The following PRDM16 variants were observed in gnomAD, a reference collection of about 807,000 sequenced individuals.
PRDM16 encodes the protein PR/SET domain 16, also known as histone-lysine N-methyltransferase PRDM16.
Under a neutral mutation model 110.6 loss-of-function variants are expected in PRDM16, and 23 were observed. That is an observed-to-expected ratio of 0.21 (90% CI 0.15 to 0.29). PRDM16 has a LOEUF of 0.29. PRDM16 is among the 10% of genes least tolerant of loss of function. PRDM16 has a pLI of 1.00. For synonymous variants in PRDM16, 799 were observed against 781.8 expected (o/e 1.02, Z -0.37); for missense variants, 1,615 against 1,794.3 (o/e 0.90, Z 1.81).
In PRDM16 at chr1:3,436,993, C is replaced by T; in HGVS notation, c.*3182C>T. 2 of 233,276 alleles carry T rather than the reference C, an allele frequency of 8.6e-6. No individual in the cohort carries two copies. Among genetic ancestry groups the T allele is most frequent in the Non-Finnish European group, 1.7e-5 (2 of 118,052 alleles). 14.5% of individuals were successfully genotyped at this position (233,276 alleles called of 1,614,324 possible). ...CCCCAGCCCCCAGCGAGCCGACGTC[C>T]CCACCCGTTCCTGCTCTCATCCCCA... On this transcript the variant is annotated 3_prime_UTR_variant, in exon 17 of 17. Coordinates refer to ENST00000270722, the MANE Select transcript of PRDM16 (RefSeq NM_022114.4).
At chr1:3,408,679 A>AGT (rs1643605972) in intron 8 of PRDM16, among the ~76,000 whole-genome samples, 2 of 132,072 alleles carry the variant, frequency 1.5e-5, no homozygotes, top group Non-Finnish European at 3.2e-5. Context: ...TGTGAGTGTG[A>AGT]GCACGTGAGC....
At chr1:3,225,095 A>C (rs140641526) in intron 2 of PRDM16, among the ~76,000 whole-genome samples, 18 of 152,276 alleles carry the variant, frequency 1.2e-4, no homozygotes, top group African/African-American at 4.1e-4. Flanking sequence ...TTTCAAAAGA[A>C]CCTTGAAAAT....
At chr1:3,098,029 G>A (rs1190043965) in intron 1 of PRDM16, among the ~76,000 whole-genome samples, 1 of 152,144 alleles carries the variant, frequency 6.6e-6, no homozygotes, top group Non-Finnish European at 1.5e-5. Flanking sequence ...AGCAGGACTG[G>A]AAACTGCCCC....
chr1:3,190,130 C>T lies in PRDM16; in HGVS notation c.387+3656C>T, dbSNP rs1406764883. Among the ~76,000 whole-genome samples, 1 of 152,018 alleles carries T rather than the reference C, an allele frequency of 6.6e-6. No homozygotes were observed. Among genetic ancestry groups the T allele is most frequent in the Non-Finnish European group, 1.5e-5 (1 of 68,012 alleles). On this transcript the variant is annotated intron_variant, in intron 2 of 16. Coordinates refer to ENST00000270722, the MANE Select transcript of PRDM16 (RefSeq NM_022114.4). The surrounding 1 kb of genome is among the most constrained non-coding windows in gnomAD (Gnocchi z 5.0). The stretch of plus-strand genomic sequence containing the variant: ...TGGGGATGAGAGATGGGGCGGGCAG[C>T]ACGTGAGGCACCCACGAGCTTTGGG...
chr1:3,149,060 C>T (rs1643729953), intron 1 of PRDM16, among the ~76,000 whole-genome samples: 5 of 152,172 alleles, frequency 3.3e-5, no homozygotes, highest in Admixed American at 3.3e-4. Context: ...CCTTGGTTCT[C>T]TGCCTCTGTG....
At chr1:3,205,813 C>T (rs1329960124) in intron 2 of PRDM16, among the ~76,000 whole-genome samples, 3 of 152,142 alleles carry the variant, frequency 2.0e-5, no homozygotes, top group Non-Finnish European at 4.4e-5. Context: ...GGCAGCTGAT[C>T]TGAGTTCAAG....
chr1:3,261,758 G>C (rs1003759112), intron 3 of PRDM16, among the ~76,000 whole-genome samples: 5 of 152,150 alleles, frequency 3.3e-5, no homozygotes, highest in Non-Finnish European at 5.9e-5. Context: ...GAAAGAACTG[G>C]CGTTCAGCCT....
At chr1:3,161,883 A>G (rs1166712243) in intron 1 of PRDM16, among the ~76,000 whole-genome samples, 1 of 152,176 alleles carries the variant, frequency 6.6e-6, no homozygotes, top group East Asian at 1.9e-4. Flanking sequence ...AGGCTTCCCT[A>G]AAGATGTTTA....
In PRDM16 at chr1:3,246,515, C is replaced by G. The variant is rs1360249741; in HGVS notation, c.438+2378C>G. On this transcript the variant is annotated intron_variant, in intron 3 of 16. Coordinates refer to ENST00000270722, the MANE Select transcript of PRDM16 (RefSeq NM_022114.4). This position sits in a 1 kb window ranked among gnomAD's most constrained non-coding sequence, Gnocchi z 5.2. ...GGGCGGTCCTGTCCAAGCAGGCCTC[C>G]TGACCCCAGCCCAGGGCTCCTCCCT... Among the ~76,000 whole-genome samples the G allele has an allele frequency of 6.6e-6, 1 of 152,188 alleles. No individual in the cohort carries two copies. The highest frequency in any genetic ancestry group is 2.4e-5 in the African/African-American group (1 of 41,436).
At chr1:3,257,731 C>G (rs1243600511) in intron 3 of PRDM16, among the ~76,000 whole-genome samples, 2 of 152,180 alleles carry the variant, frequency 1.3e-5, no homozygotes, top group Non-Finnish European at 2.9e-5. Flanking sequence ...GTCTTGCAGG[C>G]TGGCGTTTGA....
intron 2 of PRDM16, among the ~76,000 whole-genome samples, chr1:3,228,438 G>C (rs890983846): frequency 2.0e-5 from 3 of 152,226 alleles, no homozygotes; most frequent in Non-Finnish European, 4.4e-5. Context: ...GAGGTCAAGA[G>C]AAAGCAGTTT....
chr1:3,252,887 C>T (rs1167273534), intron 3 of PRDM16, among the ~76,000 whole-genome samples: 2 of 151,976 alleles, frequency 1.3e-5, no homozygotes, highest in African/African-American at 2.4e-5. Context: ...GGGGTGGAGG[C>T]GGGAAGGAGG....
intron 3 of PRDM16, among the ~76,000 whole-genome samples, chr1:3,275,852 C>A (rs1640570727): frequency 6.6e-6 from 1 of 152,200 alleles, no homozygotes; most frequent in African/African-American, 2.4e-5. Flanking sequence ...CCAGCCAGGC[C>A]CTAGTCTCTT....
intron 1 of PRDM16, among the ~76,000 whole-genome samples, chr1:3,106,263 C>T (rs542345125): frequency 5.3e-5 from 8 of 152,296 alleles, no homozygotes; most frequent in Non-Finnish European, 8.8e-5. Flanking sequence ...TCTTTGGATG[C>T]GATGGGGGTG....
chr1:3,412,344 T>C lies in PRDM16; in HGVS notation c.2147T>C (p.Leu716Pro). The C allele has an allele frequency of 6.2e-7, 1 of 1,613,800 alleles. No homozygotes were observed. The highest frequency in any genetic ancestry group is 8.5e-7 in the Non-Finnish European group (1 of 1,180,032). The change falls in exon 9 of 17, where the codon CTG (leucine) becomes CCG (proline). Residue 716 changes from leucine to proline, a missense_variant. Around this residue, in one of 5 missense-constraint regions of PRDM16, gnomAD observed 772 missense variants for 748.3 expected, o/e 1.03. Coordinates refer to ENST00000270722, the MANE Select transcript of PRDM16 (RefSeq NM_022114.4). ...PGFMGMQEKKLGSLPYHSAFP... is the reference protein window; with the variant it reads ...PGFMGMQEKKPGSLPYHSAFP... ...TTCATGGGGATGCAGGAGAAGAAGC[T>C]GGGCTCGCTCCCCTACCACTCGGCG...
chr1:3,360,480 A>G lies in PRDM16; in HGVS notation c.439-24672A>G, dbSNP rs564619964. Among the ~76,000 whole-genome samples, 5 of 152,116 alleles carry G rather than the reference A, an allele frequency of 3.3e-5. No individual in the cohort carries two copies. The South Asian group carries it at 1.0e-3, about 32-fold the overall frequency. ...GTTGTCCTTAGGCACCAGACCTGCC[A>G]GTGAGCCCCCAGCAGAGCCCGGTCC... On this transcript the variant is annotated intron_variant, in intron 3 of 16. Transcript: ENST00000270722.
intron 2 of PRDM16, among the ~76,000 whole-genome samples, chr1:3,242,575 T>C (rs1639700608): frequency 2.6e-5 from 4 of 152,106 alleles, no homozygotes; most frequent in Non-Finnish European, 5.9e-5. Context: ...CTACTAAGGC[T>C]TTCTCCTCTT....
chr1:3,101,982 G>A (rs1039584309), intron 1 of PRDM16, among the ~76,000 whole-genome samples: 4 of 152,268 alleles, frequency 2.6e-5, no homozygotes, highest in East Asian at 1.9e-4. Context: ...GAGTTCACAC[G>A]GGTGGTTTTT....
intron 1 of PRDM16, among the ~76,000 whole-genome samples, chr1:3,140,942 T>C (rs1486567585): frequency 6.6e-6 from 1 of 152,098 alleles, no homozygotes; most frequent in Non-Finnish European, 1.5e-5. Context: ...CGACATGGCT[T>C]TTACTCCCGA....
Sources: allele counts gnomAD v4.1 joint callset (sites outside exome capture counted in the v4.1 genomes callset), GRCh38; gene constraint gnomAD v4.1.1; regional missense constraint gnomAD v4.1.1; non-coding constraint Gnocchi (gnomAD v3.1); transcripts MANE v1.5; gene names NCBI Gene and HGNC (gene_info 2026-07-23, HGNC 2026-07-21).